WDFY1: variants seen among roughly 807,000 people sequenced by gnomAD.
WDFY1 encodes the protein WD repeat and FYVE domain containing 1.
In WDFY1, 32 loss-of-function variants were observed where a neutral mutation model predicts 56.4. The observed-to-expected ratio is 0.57, with a 90% CI of 0.43 to 0.76. The LOEUF is 0.76. Ranked by LOEUF, WDFY1 falls within the 30% of genes least tolerant of loss-of-function variation. The pLI, the probability that WDFY1 is intolerant of heterozygous loss-of-function variation, is 0.00. For missense variants in WDFY1, 480 were observed against 545.7 expected (o/e 0.88, Z 1.20); for synonymous variants, 192 against 197.3 (o/e 0.97, Z 0.23).
chr2:223,886,006 T>G (rs1693169511), intron 8 of WDFY1, among the ~76,000 whole-genome samples: 1 of 152,186 alleles, frequency 6.6e-6, no homozygotes, highest in South Asian at 2.1e-4. Context: ...TAATGCATTT[T>G]TGTTGAAACA....
chr2:223,908,331 T>C (rs1693636897), intron 3 of WDFY1, among the ~76,000 whole-genome samples: 2 of 152,180 alleles, frequency 1.3e-5, no homozygotes, highest in African/African-American at 4.8e-5. Flanking sequence ...CTTCAGTCCA[T>C]GGCTCACCAG....
chr2:223,888,641 C>T (rs530017551), intron 8 of WDFY1, among the ~76,000 whole-genome samples: 45 of 134,694 alleles, frequency 3.3e-4, no homozygotes, highest in African/African-American at 9.0e-4. Context: ...GGCTGGAGTG[C>T]GTTGGCATGA....
At chr2:223,884,880 TCC>T in intron 8 of WDFY1, 131 bp from the exon 9 acceptor site, 1 of 761,216 alleles carries the variant, frequency 1.3e-6, no homozygotes, top group Non-Finnish European at 2.1e-6. Context: ...TTTTTTGGTC[TCC>T]CAGGCTGGAG....
intron 6 of WDFY1, among the ~76,000 whole-genome samples, chr2:223,896,615 G>A (rs1574763455): frequency 1.3e-5 from 2 of 152,120 alleles, no homozygotes; most frequent in African/African-American, 4.8e-5. Flanking sequence ...TGTTTGTCTA[G>A]AAGAAACATT....
At chr2:223,908,954 C>T (rs1466613233) in intron 3 of WDFY1, among the ~76,000 whole-genome samples, 1 of 152,194 alleles carries the variant, frequency 6.6e-6, no homozygotes, top group African/African-American at 2.4e-5. Context: ...TCCATCACCA[C>T]CCCAGTATTT....
At chr2:223,913,212 CAAAAA>C (rs60874770) in intron 2 of WDFY1, among the ~76,000 whole-genome samples, 2 of 59,810 alleles carry the variant, frequency 3.3e-5, no homozygotes, top group African/African-American at 4.2e-5. Context: ...AACTCCATCT[CAAAAA>C]AAAAAAAAAA....
At chr2:223,901,985 A>G (rs983689047) in intron 4 of WDFY1, among the ~76,000 whole-genome samples, 2 of 152,236 alleles carry the variant, frequency 1.3e-5, no homozygotes, top group African/African-American at 2.4e-5. Context: ...CAGGTCAATT[A>G]TAAGCCACAC....
intron 1 of WDFY1, among the ~76,000 whole-genome samples, chr2:223,920,309 C>T (rs1693867374): frequency 1.3e-5 from 2 of 152,370 alleles, no homozygotes; most frequent in Middle Eastern, 3.4e-3. Context: ...CTGCACCCAG[C>T]AGGCTGGGCC....
At chr2:223,887,174 G>A (rs2106073272) in intron 8 of WDFY1, among the ~76,000 whole-genome samples, 1 of 152,346 alleles carries the variant, frequency 6.6e-6, no homozygotes, top group East Asian at 1.9e-4. Context: ...GGCAGGTGGT[G>A]ATGGAGGCTG....
chr2:223,880,606 CAAAA>C (rs10586635), intron 10 of WDFY1, among the ~76,000 whole-genome samples: 11 of 125,390 alleles, frequency 8.8e-5, no homozygotes, highest in Admixed American at 1.6e-4. Flanking sequence ...GACTCAGTCT[CAAAA>C]AAAAAAAAAA....
At position 223,878,361 on chromosome 2, in the gene WDFY1, A is replaced by AT. The variant is rs1240233439; in HGVS notation, c.*309dup. 5 of 230,152 alleles carry AT rather than the reference A, an allele frequency of 2.2e-5. No homozygotes were observed. Among genetic ancestry groups the AT allele is most frequent in the Admixed American group, 5.6e-5 (1 of 17,882 alleles). 14.3% of individuals were successfully genotyped at this position (230,152 alleles called of 1,614,324 possible). A position where few individuals can be genotyped will look rare whatever the true frequency, so the allele number is the denominator to read the frequency against. ...TTCTAAGCATTCACTTTTTTGTTTGATTTTTTGTCCCCGCTAAAACTCATT... is the reference window on the plus strand; with the variant it reads ...TTCTAAGCATTCACTTTTTTGTTTGATTTTTTTGTCCCCGCTAAAACTCATT... On this transcript the variant is annotated 3_prime_UTR_variant, in exon 12 of 12. Transcript: ENST00000233055.
chr2:223,905,764 A>G (rs961267271), intron 4 of WDFY1, among the ~76,000 whole-genome samples, 183 bp downstream of exon 4: 3 of 152,248 alleles, frequency 2.0e-5, no homozygotes, highest in African/African-American at 7.2e-5. Flanking sequence ...TGATATACAA[A>G]ATTTTAAATG....
Position 223,917,929 on chromosome 2 carries a change from G to A in WDFY1, c.205+14C>T. Reference sequence around the variant, plus strand: ...AGAGACATTTCTCTCAAATGGAACAGTTCAGCTACTTACAGGCCATTGTGT... The same window carrying A: ...AGAGACATTTCTCTCAAATGGAACAATTCAGCTACTTACAGGCCATTGTGT... On this transcript the variant is annotated intron_variant, in intron 2 of 11. Transcript: ENST00000233055. 6.2e-7 allele frequency: 1 copy of A among 1,613,634 alleles called. No individual in the cohort carries two copies. The highest frequency in any genetic ancestry group is 1.1e-5 in the South Asian group (1 of 90,986).
intron 5 of WDFY1, chr2:223,900,841 G>A: frequency 5.4e-6 from 1 of 185,064 alleles, no homozygotes; most frequent in South Asian, 1.5e-4. Context: ...ATGAGAGGAA[G>A]GGTTTGCATT....
chr2:223,886,732 A>AAAG (rs2106072999), intron 8 of WDFY1, among the ~76,000 whole-genome samples: 1 of 150,504 alleles, frequency 6.6e-6, no homozygotes, highest in Non-Finnish European at 1.5e-5. Flanking sequence ...CTCCGTCTAA[A>AAAG]AAAAAAAAAA....
chr2:223,945,268 T>C lies in WDFY1; in HGVS notation c.17A>G (p.His6Arg), dbSNP rs1251473978. Residue 6 changes from histidine to arginine, a missense_variant, in exon 1 of 12, where the codon CAC becomes CGC. Transcript: ENST00000233055. MAAEI[H>R]SRPQSSRPVL... ...CGGGCGGCTGCTCTGCGGCCTGGAG[T>C]GGATTTCGGCCGCCATGTTCGCGCG... 1.9e-6 allele frequency: 3 copies of C among 1,578,918 alleles called. No individual in the cohort carries two copies. The highest frequency in any genetic ancestry group is 1.1e-5 in the South Asian group (1 of 88,684).
chr2:223,918,366 C>T lies in WDFY1; in HGVS notation c.138-356G>A, dbSNP rs142267059. On this transcript the variant is annotated intron_variant, in intron 1 of 11. Coordinates refer to ENST00000233055, the MANE Select transcript of WDFY1 (RefSeq NM_020830.5). ...ATGTTCGGCCAGGCGCGGTGGCTCACGCCTATAATCCCAGCACACTGGGAG... is the reference window on the plus strand; with the variant it reads ...ATGTTCGGCCAGGCGCGGTGGCTCATGCCTATAATCCCAGCACACTGGGAG... 3.2e-3 allele frequency among the ~76,000 whole-genome samples: 492 copies of T among 152,238 alleles called. 3 individuals carry two copies. The highest frequency in any genetic ancestry group is 0.011 in the African/African-American group (473 of 41,550).
At chr2:223,920,862 G>T (rs1693874889) in intron 1 of WDFY1, among the ~76,000 whole-genome samples, 1 of 152,216 alleles carries the variant, frequency 6.6e-6, no homozygotes, top group Non-Finnish European at 1.5e-5. Flanking sequence ...CTCGACAGTG[G>T]CTATCCTCGC....
chr2:223,904,427 A>ATT (rs11445786), intron 4 of WDFY1, among the ~76,000 whole-genome samples: 3 of 151,938 alleles, frequency 2.0e-5, no homozygotes, highest in Non-Finnish European at 4.4e-5. Context: ...AATTTTTGTT[A>ATT]TTTTTAGTAG....
Sources: gnomAD v4.1 joint callset for allele counts (sites outside exome capture counted in the v4.1 genomes callset) on GRCh38, gnomAD v4.1.1 for gene constraint, MANE v1.5 for transcripts, NCBI Gene and HGNC (gene_info 2026-07-23, HGNC 2026-07-21) for gene names.